Variants in TADA2A observed in about 807,000 individuals in gnomAD.
TADA2A encodes the protein transcriptional adaptor 2A.
A neutral mutation model predicts 67.4 loss-of-function variants in TADA2A; 38 were observed. The ratio of observed to expected loss-of-function variants is 0.56; its 90% CI spans 0.44 to 0.74. The LOEUF is 0.74. Ranked by LOEUF, TADA2A falls within the 30% of genes least tolerant of loss-of-function variation. The probability of loss-of-function intolerance (pLI) is 0.00; values close to 1 mark genes in which losing one functional copy is unlikely to be tolerated. For synonymous variants in TADA2A, 192 were observed against 181.6 expected (o/e 1.06, Z -0.46); for missense variants, 454 against 547.0 (o/e 0.83, Z 1.70).
chr17:37,415,443 A>G (rs1274631404), intron 2 of TADA2A, among the ~76,000 whole-genome samples: 3 of 152,070 alleles, frequency 2.0e-5, no homozygotes, highest in East Asian at 3.8e-4. Context: ...ATCTAATATT[A>G]TATATAACCT....
intron 3 of TADA2A, chr17:37,426,216 G>T (rs1464727990): frequency 6.6e-6 from 1 of 152,080 alleles, no homozygotes; most frequent in Non-Finnish European, 1.5e-5. Flanking sequence ...TCAAATTTAG[G>T]CTATATGATT....
chr17:37,475,017 A>G (rs1445165760), intron 15 of TADA2A, among the ~76,000 whole-genome samples: 1 of 152,190 alleles, frequency 6.6e-6, no homozygotes, highest in African/African-American at 2.4e-5. Context: ...GCTGCCTTGA[A>G]AAGTTCTATA....
chr17:37,412,642 G>C (rs2051913217), intron 2 of TADA2A, among the ~76,000 whole-genome samples: 1 of 151,920 alleles, frequency 6.6e-6, no homozygotes, highest in Non-Finnish European at 1.5e-5. Flanking sequence ...AAATTAGCTG[G>C]GGGTAATGGC....
At chr17:37,446,192 G>T (rs1201801731) in intron 8 of TADA2A, among the ~76,000 whole-genome samples, 1 of 146,684 alleles carries the variant, frequency 6.8e-6, no homozygotes, top group African/African-American at 2.5e-5. Context: ...TGAACTAAAA[G>T]AGGAAAGCTT....
At chr17:37,435,352 C>A (rs917584645) in intron 4 of TADA2A, among the ~76,000 whole-genome samples, 1 of 152,120 alleles carries the variant, frequency 6.6e-6, no homozygotes, top group African/African-American at 2.4e-5. Context: ...GCAGTGGCGC[C>A]ATCTCGGCTC....
At position 37,479,184 on chromosome 17, in the gene TADA2A, C is replaced by G. The variant is rs2053943395; in HGVS notation, c.*2202C>G. 1 of 152,178 alleles carries G rather than the reference C, an allele frequency of 6.6e-6. No individual in the cohort carries two copies. The highest frequency in any genetic ancestry group is 2.4e-5 in the African/African-American group (1 of 41,388). The allele number at this position is 152,178 out of a possible 1,614,324, so 9.4% of individuals were successfully genotyped here. ...AAAAATGGCAGATGGAAGTGGGAGA[C>G]AATTCCACACACAGGGGGTGGAGAA... On this transcript the variant is annotated 3_prime_UTR_variant, in exon 16 of 16. Coordinates refer to ENST00000615182, the MANE Select transcript of TADA2A (RefSeq NM_001166105.3).
rs2148057219 is a variant in TADA2A, at chr17:37,477,061, G to C, written c.*79G>C. ...GGACAATATGGGTGGGCATTCTGGA[G>C]AGTTGTTTTTCAGCTGAATTCTCAT... On this transcript the variant is annotated 3_prime_UTR_variant, in exon 16 of 16. Coordinates refer to ENST00000615182, the MANE Select transcript of TADA2A (RefSeq NM_001166105.3). 1 of 1,431,942 alleles carries C rather than the reference G, an allele frequency of 7.0e-7. No homozygotes were observed. Among genetic ancestry groups the C allele is most frequent in the Non-Finnish European group, 9.4e-7 (1 of 1,061,158 alleles). The allele number at this position is 1,431,942 out of a possible 1,614,324, so 88.7% of individuals were successfully genotyped here.
Position 37,458,532 on chromosome 17 carries a change from A to C in TADA2A, c.613A>C (p.Met205Leu). 6.2e-7 allele frequency: 1 copy of C among 1,612,276 alleles called. No homozygotes were observed. Among genetic ancestry groups the C allele is most frequent in the Non-Finnish European group, 8.5e-7 (1 of 1,179,064 alleles). Residue 205 changes from methionine to leucine, a missense_variant, in exon 9 of 16, where the codon ATG becomes CTG. Around this residue, in one of 2 missense-constraint regions of TADA2A, gnomAD observed 403 missense variants for 455.5 expected, o/e 0.88. Coordinates refer to ENST00000615182, the MANE Select transcript of TADA2A (RefSeq NM_001166105.3). Reference protein sequence around the residue: ...DDSDILHALKMAVVDIYHSRL... With the variant: ...DDSDILHALKLAVVDIYHSRL... ...TATGAATTTATTTGTAGCTCTGAAGATGGCTGTGGTAGATATCTATCATTC... is the reference window on the plus strand; with the variant it reads ...TATGAATTTATTTGTAGCTCTGAAGCTGGCTGTGGTAGATATCTATCATTC...
At chr17:37,426,217 C>CT (rs1382460666) in intron 3 of TADA2A, 1 of 152,030 alleles carries the variant, frequency 6.6e-6, no homozygotes, top group Non-Finnish European at 1.5e-5. Flanking sequence ...CAAATTTAGG[C>CT]TATATGATTG....
At chr17:37,448,110 G>A (rs774863545) in intron 8 of TADA2A, among the ~76,000 whole-genome samples, 3 of 152,094 alleles carry the variant, frequency 2.0e-5, no homozygotes, top group Non-Finnish European at 4.4e-5. Flanking sequence ...ATATTACTGA[G>A]CATTAACAAC....
chr17:37,472,442 A>T (rs1293559918), intron 14 of TADA2A, among the ~76,000 whole-genome samples: 1 of 152,164 alleles, frequency 6.6e-6, no homozygotes, highest in Non-Finnish European at 1.5e-5. Flanking sequence ...AAGAAGAAAA[A>T]GGTATTGTTT....
chr17:37,472,329 G>A (rs937012857), intron 14 of TADA2A, among the ~76,000 whole-genome samples: 2 of 151,758 alleles, frequency 1.3e-5, no homozygotes, highest in African/African-American at 4.8e-5. Flanking sequence ...GCCTCCCAAA[G>A]TGCTGGGATT....
intron 8 of TADA2A, chr17:37,454,772 G>T: frequency 3.4e-6 from 1 of 291,128 alleles, no homozygotes; most frequent in South Asian, 4.3e-5. Context: ...TGAGAAACAT[G>T]AAGTTAAAAA....
At chr17:37,423,461 T>TA in intron 2 of TADA2A, 48 bp from the exon 3 acceptor site, 1 of 1,416,084 alleles carries the variant, frequency 7.1e-7, no homozygotes, top group South Asian at 1.3e-5. Context: ...GCACTTAAGA[T>TA]AACCGTAAGG....
chr17:37,409,840 ATAT>A (rs1382549408), intron 1 of TADA2A, among the ~76,000 whole-genome samples: 2 of 152,018 alleles, frequency 1.3e-5, no homozygotes, highest in African/African-American at 4.8e-5. Flanking sequence ...TTAGTGTAAA[ATAT>A]TATTTTATTT....
intron 2 of TADA2A, among the ~76,000 whole-genome samples, chr17:37,414,153 G>A (rs139315485): frequency 4.3e-4 from 66 of 152,186 alleles, no homozygotes; most frequent in African/African-American, 1.5e-3. Context: ...TGGCTGCATA[G>A]TATTCCATGG....
chr17:37,470,806 T>C (rs2053770965), intron 13 of TADA2A, among the ~76,000 whole-genome samples: 1 of 152,156 alleles, frequency 6.6e-6, no homozygotes, highest in Non-Finnish European at 1.5e-5. Context: ...TCTCTCTTCA[T>C]ACCTAGATTT....
chr17:37,432,322 C>T (rs1438208285), intron 4 of TADA2A, among the ~76,000 whole-genome samples: 1 of 152,090 alleles, frequency 6.6e-6, no homozygotes, highest in African/African-American at 2.4e-5. Flanking sequence ...CGTCCACCAC[C>T]GCGCCTGGCT....
chr17:37,450,904 G>A (rs1031759191), intron 8 of TADA2A, among the ~76,000 whole-genome samples: 4 of 152,186 alleles, frequency 2.6e-5, no homozygotes, highest in African/African-American at 9.7e-5. Flanking sequence ...GAGAATTCCA[G>A]TTCTCCTCCC....
Sources: gnomAD v4.1 joint callset for allele counts (sites outside exome capture counted in the v4.1 genomes callset) on GRCh38, gnomAD v4.1.1 for gene constraint, gnomAD v4.1.1 regional missense constraint, MANE v1.5 for transcripts, NCBI Gene and HGNC (gene_info 2026-07-23, HGNC 2026-07-21) for gene names.